PDLIM5: variants seen among roughly 807,000 people sequenced by gnomAD.
PDLIM5 encodes the protein PDZ and LIM domain protein 5.
Under a neutral mutation model 64.2 loss-of-function variants are expected in PDLIM5, and 34 were observed. The observed-to-expected ratio is 0.53, with a 90% CI of 0.40 to 0.71. PDLIM5 has a LOEUF of 0.71. PDLIM5 is among the 30% of genes least tolerant of loss of function. PDLIM5 has a pLI of 0.00. For missense variants in PDLIM5, 683 were observed against 733.6 expected (o/e 0.93, Z 0.80); for synonymous variants, 253 against 269.1 (o/e 0.94, Z 0.59).
Position 94,596,223 on chromosome 4 carries a change from CTGT to C in PDLIM5, c.920+9793_920+9795del, listed in dbSNP as rs896065429. Among the ~76,000 whole-genome samples the C allele has an allele frequency of 3.2e-4, 48 of 151,958 alleles. 1 individual carries two copies. The highest frequency in any genetic ancestry group is 9.4e-4 in the African/African-American group (39 of 41,416). ...TAATTCTGTTTAATGCTGGAAATGC[CTGT>C]TGTTGTTGTTGTTTACCAAATTAAA... is the stretch of plus-strand genomic sequence containing the variant. On this transcript the variant is annotated intron_variant, in intron 7 of 12. Coordinates refer to ENST00000317968, the MANE Select transcript of PDLIM5 (RefSeq NM_006457.5).
intron 2 of PDLIM5, among the ~76,000 whole-genome samples, chr4:94,477,310 A>G (rs914607836): frequency 6.6e-6 from 1 of 152,184 alleles, no homozygotes; most frequent in African/African-American, 2.4e-5. Flanking sequence ...ATAGTTTTAA[A>G]GGTTTTCAAG....
chr4:94,621,881 T>C (rs1365167036), intron 8 of PDLIM5, among the ~76,000 whole-genome samples: 2 of 152,158 alleles, frequency 1.3e-5, no homozygotes, highest in African/African-American at 2.4e-5. Context: ...TTATATAACA[T>C]TATAAAACAA....
rs751233892 is a variant in PDLIM5, at chr4:94,585,752, A to G, written c.883+15A>G. The stretch of plus-strand genomic sequence containing the variant: ...GACTGAACATTGTAAGTGAACTTCT[A>G]GGTATCCTAATGGATGAATGTTTTT... On this transcript the variant is annotated intron_variant, in intron 6 of 12. Coordinates refer to ENST00000317968, the MANE Select transcript of PDLIM5 (RefSeq NM_006457.5). 11 of 1,603,800 alleles carry G rather than the reference A, an allele frequency of 6.9e-6. No individual in the cohort carries two copies. Among genetic ancestry groups the G allele is most frequent in the South Asian group, 1.1e-5 (1 of 90,608 alleles).
chr4:94,576,162 C>A, intron 5 of PDLIM5, 128 bp downstream of exon 5: 2 of 735,298 alleles, frequency 2.7e-6, no homozygotes. Context: ...TATTATTTGC[C>A]TCATTAACAT....
chr4:94,638,813 T>C (rs928358362), intron 8 of PDLIM5, among the ~76,000 whole-genome samples: 1 of 152,248 alleles, frequency 6.6e-6, no homozygotes, highest in South Asian at 2.1e-4. Context: ...ACTTTTGTAT[T>C]GATTCCAGTT....
chr4:94,525,897 G>C (rs1437105385), intron 3 of PDLIM5, among the ~76,000 whole-genome samples: 1 of 152,152 alleles, frequency 6.6e-6, no homozygotes, highest in African/African-American at 2.4e-5. Flanking sequence ...TGTTTCATTA[G>C]TATTCTTCTG....
chr4:94,543,470 C>T (rs1426117422), intron 3 of PDLIM5, among the ~76,000 whole-genome samples: 2 of 152,096 alleles, frequency 1.3e-5, no homozygotes, highest in Non-Finnish European at 2.9e-5. Context: ...ATTCTCTCAG[C>T]AATTATCAAG....
intron 3 of PDLIM5, among the ~76,000 whole-genome samples, chr4:94,540,004 TATA>T (rs759127714): frequency 6.6e-6 from 1 of 152,090 alleles, no homozygotes; most frequent in Non-Finnish European, 1.5e-5. Flanking sequence ...TAATAAAATA[TATA>T]ATAATACTAC....
rs974048737 is a variant in PDLIM5, at chr4:94,461,032, G to A, written c.96+5648G>A. 4.6e-5 allele frequency among the ~76,000 whole-genome samples: 7 copies of A among 152,178 alleles called. No homozygotes were observed. In the East Asian group the frequency reaches 1.2e-3, roughly 25 times the overall value. ...GGTCTTTGTCTATGACATCCTGTTAGCAGTAGTTCTTACCCAGATTCCCAT... is the reference window on the plus strand; with the variant it reads ...GGTCTTTGTCTATGACATCCTGTTAACAGTAGTTCTTACCCAGATTCCCAT... On this transcript the variant is annotated intron_variant, in intron 2 of 12. Coordinates refer to ENST00000317968, the MANE Select transcript of PDLIM5 (RefSeq NM_006457.5).
At position 94,665,481 on chromosome 4, in the gene PDLIM5, T is replaced by TA. The variant is rs10706955; in HGVS notation, c.*1439dup. On this transcript the variant is annotated 3_prime_UTR_variant, in exon 13 of 13. Transcript: ENST00000317968. ...GGTGACAGAGCAAGACTCCGGCTCT[T>TA]AAAAAAAAAAAAAAAAAAAAAAAAA... is the stretch of plus-strand genomic sequence containing the variant. 5.9e-3 allele frequency: 2,663 copies of TA among 448,342 alleles called. 5 individuals carry two copies. Among genetic ancestry groups the TA allele is most frequent in the East Asian group, 7.8e-3 (30 of 3,850 alleles). The allele number at this position is 448,342 out of a possible 1,614,324, so 27.8% of individuals were successfully genotyped here. A position where few individuals can be genotyped will look rare whatever the true frequency, so the allele number is the denominator to read the frequency against.
intron 3 of PDLIM5, among the ~76,000 whole-genome samples, chr4:94,545,483 CA>C (rs1349760267): frequency 6.6e-6 from 1 of 152,096 alleles, no homozygotes; most frequent in Non-Finnish European, 1.5e-5. Flanking sequence ...ACACACATAC[CA>C]AAAATGGAAA....
chr4:94,597,783 GA>G (rs886365669), intron 7 of PDLIM5, among the ~76,000 whole-genome samples: 1 of 151,632 alleles, frequency 6.6e-6, no homozygotes, highest in East Asian at 1.9e-4. Flanking sequence ...TTCAAAAAAG[GA>G]AAAAAAAGTT....
Position 94,573,337 on chromosome 4 carries a change from C to CT in PDLIM5, c.249-7dup, listed in dbSNP as rs1368193559. On this transcript the variant is annotated splice_polypyrimidine_tract_variant and intron_variant, in intron 3 of 12. Coordinates refer to ENST00000317968, the MANE Select transcript of PDLIM5 (RefSeq NM_006457.5). ...CATTATTTTTTTTTTCTTTTTCTTT[C>CT]TTTTTTTCCTCAGAGCATCTGCTGC... The CT allele has an allele frequency of 6.3e-7, 1 of 1,587,522 alleles. No individual in the cohort carries two copies. The highest frequency in any genetic ancestry group is 8.6e-7 in the Non-Finnish European group (1 of 1,169,526).
intron 10 of PDLIM5, chr4:94,656,798 CT>C (rs1475941071): frequency 6.6e-6 from 1 of 151,512 alleles, no homozygotes; most frequent in Non-Finnish European, 1.5e-5. Flanking sequence ...CCACGCCCAG[CT>C]AATTTTTTGT....
intron 5 of PDLIM5, among the ~76,000 whole-genome samples, chr4:94,583,303 A>G (rs1048864083): frequency 2.0e-5 from 3 of 152,112 alleles, no homozygotes; most frequent in African/African-American, 2.4e-5. Flanking sequence ...TGTCATAACT[A>G]AAAATACTAC....
chr4:94,587,678 A>T (rs932252176), intron 7 of PDLIM5: 38 of 983,620 alleles, frequency 3.9e-5, no homozygotes, highest in Non-Finnish European at 3.7e-5. Context: ...GGAGGTCCAG[A>T]TTTGGCTCCT....
intron 2 of PDLIM5, among the ~76,000 whole-genome samples, chr4:94,503,588 A>T (rs140971319): frequency 6.6e-6 from 1 of 152,316 alleles, no homozygotes; most frequent in East Asian, 1.9e-4. Flanking sequence ...TTCTCCTCCG[A>T]TGTGCCTGTC....
At chr4:94,457,064 A>G in intron 2 of PDLIM5, 5 of 846,794 alleles carry the variant, frequency 5.9e-6, no homozygotes, top group Non-Finnish European at 7.1e-6. Context: ...ATATATGTGT[A>G]TGTATAAATA....
intron 2 of PDLIM5, among the ~76,000 whole-genome samples, chr4:94,495,172 T>A (rs1341934221): frequency 6.6e-6 from 1 of 152,224 alleles, no homozygotes; most frequent in East Asian, 1.9e-4. Context: ...TATTATATTC[T>A]ACAGTATATC....
Sources: allele counts gnomAD v4.1 joint callset (sites outside exome capture counted in the v4.1 genomes callset), GRCh38; gene constraint gnomAD v4.1.1; transcripts MANE v1.5; gene names NCBI Gene and HGNC (gene_info 2026-07-23, HGNC 2026-07-21).